The following PPP1R9A variants were observed in gnomAD, a reference collection of about 807,000 sequenced individuals.
PPP1R9A encodes the protein neurabin-1.
A neutral mutation model predicts 141.9 loss-of-function variants in PPP1R9A; 59 were observed. That is an observed-to-expected ratio of 0.42 (90% CI 0.34 to 0.52). The LOEUF is 0.52. Ranked by LOEUF, PPP1R9A falls within the 20% of genes least tolerant of loss-of-function variation. PPP1R9A has a pLI of 0.10. For synonymous variants in PPP1R9A, 500 were observed against 569.7 expected (o/e 0.88, Z 1.74); for missense variants, 1,444 against 1,611.9 (o/e 0.90, Z 1.78).
At chr7:95,085,353 G>A (rs1816459951) in intron 2 of PPP1R9A, among the ~76,000 whole-genome samples, 1 of 151,342 alleles carries the variant, frequency 6.6e-6, no homozygotes, top group Admixed American at 6.6e-5. Flanking sequence ...TCCCATCTCG[G>A]CCTCTCAGAG....
chr7:94,999,255 ATCT>A (rs1802560763), intron 2 of PPP1R9A, among the ~76,000 whole-genome samples: 1 of 152,146 alleles, frequency 6.6e-6, no homozygotes, highest in South Asian at 2.1e-4. Context: ...CTTGGCAGAA[ATCT>A]TCTTTATGGG....
At position 95,269,328 on chromosome 7, in the gene PPP1R9A, T is replaced by C; in HGVS notation, c.2945T>C (p.Val982Ala). 1 of 1,598,658 alleles carries C rather than the reference T, an allele frequency of 6.3e-7. No individual in the cohort carries two copies. The highest frequency in any genetic ancestry group is 1.3e-5 in the African/African-American group (1 of 74,996). ...CCCCTCACCCCGGTGGATAGCAATG[T>C]GCCCTTCTCGTCTGACCACATAGCT... ...VPPLTPVDSN[V>A]PFSSDHIAEF... Residue 982 changes from valine to alanine, a missense_variant, in exon 14 of 20, where the codon GTG becomes GCG. Coordinates refer to ENST00000433360, the MANE Select transcript of PPP1R9A (RefSeq NM_001166160.2).
chr7:95,002,539 A>C (rs569165512), intron 2 of PPP1R9A, among the ~76,000 whole-genome samples: 23 of 152,314 alleles, frequency 1.5e-4, no homozygotes, highest in African/African-American at 5.3e-4. Flanking sequence ...GAGGAGAGCA[A>C]CTTAGACGTG....
At chr7:95,150,927 T>C (rs1056993057) in intron 4 of PPP1R9A, among the ~76,000 whole-genome samples, 1 of 152,228 alleles carries the variant, frequency 6.6e-6, no homozygotes, top group African/African-American at 2.4e-5. Flanking sequence ...TAATATCATG[T>C]TATGAGAGAA....
chr7:95,164,791 C>T (rs1479751973), intron 5 of PPP1R9A, among the ~76,000 whole-genome samples: 1 of 85,684 alleles, frequency 1.2e-5, no homozygotes, highest in Admixed American at 1.4e-4. Context: ...CTGTTCCATG[C>T]TTTATTCTCT....
At chr7:95,250,307 T>C (rs1285349117) in intron 10 of PPP1R9A, 52 bp downstream of exon 10, 3 of 1,456,004 alleles carry the variant, frequency 2.1e-6, no homozygotes, top group African/African-American at 1.4e-5. Flanking sequence ...AAAGAAGGTT[T>C]ATGTCCAATA....
intron 8 of PPP1R9A, 63 bp downstream of exon 8, chr7:95,226,179 G>A: frequency 6.9e-7 from 1 of 1,447,682 alleles, no homozygotes; most frequent in East Asian, 2.4e-5. Context: ...ATATATTTCT[G>A]TTCAAATAAT....
At position 95,268,633 on chromosome 7, in the gene PPP1R9A, C is replaced by A. The variant is rs150722853; in HGVS notation, c.2749C>A (p.Arg917Ser). Residue 917 changes from arginine to serine, a missense_variant, in exon 13 of 20, where the codon CGC (arginine) becomes AGC (serine). This residue lies in a region of PPP1R9A where 488 missense variants were observed against 542.0 expected (regional missense o/e 0.90). Coordinates refer to ENST00000433360, the MANE Select transcript of PPP1R9A (RefSeq NM_001166160.2). ...AGCCCAGCTCTCTGTGAAGAACAGA[C>A]GCCAGAGACCCTCTAGGACAAGACT... ...TRAQLSVKNR[R>S]QRPSRTRLYD... is the part of the protein sequence containing the mutation. 20 of 1,613,456 alleles carry A rather than the reference C, an allele frequency of 1.2e-5. No individual in the cohort carries two copies. The highest frequency in any genetic ancestry group is 1.6e-5 in the Non-Finnish European group (19 of 1,179,576).
At chr7:95,231,498 C>T (rs1357648295) in intron 8 of PPP1R9A, among the ~76,000 whole-genome samples, 1 of 151,996 alleles carries the variant, frequency 6.6e-6, no homozygotes, top group Non-Finnish European at 1.5e-5. Context: ...TATGATAGGC[C>T]ACAAAACAAG....
intron 4 of PPP1R9A, among the ~76,000 whole-genome samples, chr7:95,145,999 C>T (rs2152609693): frequency 6.6e-6 from 1 of 152,242 alleles, no homozygotes; most frequent in South Asian, 2.1e-4. Flanking sequence ...GATTTATATC[C>T]TTTGGGTATA....
At chr7:94,957,225 T>C (rs751047624) in intron 2 of PPP1R9A, among the ~76,000 whole-genome samples, 4 of 152,134 alleles carry the variant, frequency 2.6e-5, no homozygotes, top group East Asian at 1.9e-4. Flanking sequence ...CAGTCACTCA[T>C]GTGCTGTACA....
At chr7:94,953,898 T>C (rs932000217) in intron 2 of PPP1R9A, among the ~76,000 whole-genome samples, 1 of 152,160 alleles carries the variant, frequency 6.6e-6, no homozygotes, top group Non-Finnish European at 1.5e-5. Context: ...AATCATGTCA[T>C]CTGCAAACAG....
At chr7:95,086,424 T>C (rs763226191) in intron 2 of PPP1R9A, among the ~76,000 whole-genome samples, 10 of 152,034 alleles carry the variant, frequency 6.6e-5, no homozygotes, top group Admixed American at 2.6e-4. Context: ...TTGACACAAA[T>C]ATAAATAAGT....
chr7:95,161,745 T>C lies in PPP1R9A; in HGVS notation c.1650-122T>C, dbSNP rs893667943. ...GAACTGACTGTATGTAAAAGATAGA[T>C]TTTGGATCAAAAAGAGTATCTTAAA... On this transcript the variant is annotated intron_variant, in intron 4 of 19. Transcript: ENST00000433360. 5.7e-5 allele frequency: 36 copies of C among 633,950 alleles called. No individual in the cohort carries two copies. In the African/African-American group the frequency reaches 6.4e-4, roughly 11 times the overall value. The allele number at this position is 633,950 out of a possible 1,614,324, so 39.3% of individuals were successfully genotyped here.
chr7:95,204,513 A>G (rs756529338), intron 7 of PPP1R9A, among the ~76,000 whole-genome samples: 1 of 152,088 alleles, frequency 6.6e-6, no homozygotes, highest in Non-Finnish European at 1.5e-5. Context: ...CAAAGCCAAG[A>G]ATCACAAGGT....
At chr7:94,985,654 T>G (rs949877496) in intron 2 of PPP1R9A, among the ~76,000 whole-genome samples, 1 of 152,108 alleles carries the variant, frequency 6.6e-6, no homozygotes, top group Non-Finnish European at 1.5e-5. Context: ...ACTCCTGCTT[T>G]TATTTTTTTT....
At chr7:95,039,058 C>A (rs1808844989) in intron 2 of PPP1R9A, among the ~76,000 whole-genome samples, 1 of 152,104 alleles carries the variant, frequency 6.6e-6, no homozygotes, top group Non-Finnish European at 1.5e-5. Context: ...TGTCCACTTT[C>A]AACAAAAACT....
chr7:94,921,059 C>G (rs1792735283), intron 2 of PPP1R9A, among the ~76,000 whole-genome samples: 1 of 152,156 alleles, frequency 6.6e-6, no homozygotes, highest in African/African-American at 2.4e-5. Context: ...TACTCACAGT[C>G]AGAGGTACCT....
chr7:95,208,379 T>C (rs1052754372), intron 7 of PPP1R9A, among the ~76,000 whole-genome samples: 9 of 152,062 alleles, frequency 5.9e-5, no homozygotes, highest in African/African-American at 2.2e-4. Context: ...AGCAAAAATA[T>C]AAAATTTGGA....
Sources: allele counts gnomAD v4.1 joint callset (sites outside exome capture counted in the v4.1 genomes callset), GRCh38; gene constraint gnomAD v4.1.1; regional missense constraint gnomAD v4.1.1; transcripts MANE v1.5; gene names NCBI Gene and HGNC (gene_info 2026-07-23, HGNC 2026-07-21).